The following GALNT14 variants were observed in gnomAD, a reference collection of about 807,000 sequenced individuals.
GALNT14 encodes polypeptide N-acetylgalactosaminyltransferase 14, also known as UDP-GalNAc:polypeptide N-acetylgalactosaminyltransferase 14.
GALNT14 carries 60 observed loss-of-function variants against 77.5 expected under a neutral mutation model. The observed-to-expected ratio is 0.77, with a 90% CI of 0.63 to 0.96. GALNT14 has a LOEUF of 0.96. Ranked by LOEUF, GALNT14 falls within the 40% of genes least tolerant of loss-of-function variation. The pLI, the probability that GALNT14 is intolerant of heterozygous loss-of-function variation, is 0.00. For synonymous variants in GALNT14, 280 were observed against 281.7 expected, an observed-to-expected ratio of 0.99 and a Z score of 0.06; for missense variants, 710 against 731.0, an observed-to-expected ratio of 0.97 and a Z score of 0.33.
chr2:30,894,044 C>G, the GALNT14 span, among the ~76,000 whole-genome samples: 1 of 152,058 alleles, frequency 6.6e-6, no homozygotes, highest in Non-Finnish European at 1.5e-5. Flanking sequence ...GGAAAGAGAA[C>G]AGGGGCCGAA....
At chr2:30,956,060 A>T (rs1667351978) in intron 4 of GALNT14, 83 bp from the exon 5 acceptor site, 1 of 1,396,854 alleles carries the variant, frequency 7.2e-7, no homozygotes, top group Non-Finnish European at 1.0e-6. Context: ...GGTGAACCTG[A>T]AGGGTAGGTG....
the GALNT14 span, among the ~76,000 whole-genome samples, chr2:30,891,682 C>G: frequency 3.2e-4 from 49 of 152,140 alleles, no homozygotes; most frequent in Middle Eastern, 3.4e-3. Flanking sequence ...GTGACAGAGC[C>G]CAGTCAGTGC....
intron 1 of GALNT14, among the ~76,000 whole-genome samples, chr2:31,005,597 G>C (rs1670623874): frequency 6.6e-6 from 1 of 152,140 alleles, no homozygotes; most frequent in Admixed American, 6.5e-5. Flanking sequence ...GCTAATGGAG[G>C]GAAAACGCAA....
intron 1 of GALNT14, among the ~76,000 whole-genome samples, chr2:31,128,720 G>A (rs1395936725): frequency 2.0e-5 from 3 of 152,150 alleles, no homozygotes; most frequent in Non-Finnish European, 2.9e-5. Context: ...GTGGGGAGGG[G>A]GAAGGGCGGA....
chr2:30,962,754 T>C (rs1667771553), intron 3 of GALNT14, among the ~76,000 whole-genome samples: 1 of 152,098 alleles, frequency 6.6e-6, no homozygotes. Context: ...GCAGGGGGGT[T>C]GCAAAGAGCC....
At chr2:31,070,948 G>C (rs1675325451) in intron 1 of GALNT14, among the ~76,000 whole-genome samples, 2 of 152,078 alleles carry the variant, frequency 1.3e-5, no homozygotes, top group South Asian at 2.1e-4. Context: ...GTAGAACCAG[G>C]GTCATGGGAT....
At chr2:31,027,067 C>T (rs942628354) in intron 1 of GALNT14, among the ~76,000 whole-genome samples, 8 of 152,184 alleles carry the variant, frequency 5.3e-5, no homozygotes, top group African/African-American at 1.4e-4. Flanking sequence ...AACAAACAAA[C>T]GCTGGTCCAT....
intron 1 of GALNT14, among the ~76,000 whole-genome samples, chr2:31,017,991 C>G (rs566252621): frequency 6.6e-6 from 1 of 152,342 alleles, no homozygotes; most frequent in East Asian, 1.9e-4. Flanking sequence ...AGGGCCTCGG[C>G]CTTGGGGGCT....
chr2:30,911,029 G>T lies in GALNT14; in HGVS notation c.1531C>A (p.His511Asn). The stretch of plus-strand genomic sequence containing the variant: ...TCGAGGCAGAGGTGGGATGCTATGT[G>T]CTCGATGTGGGAACCAGTTTTGGTC... Reference protein sequence around the residue: ...QWTKTGSHIEHIASHLCLDTD... With the variant: ...QWTKTGSHIENIASHLCLDTD... Residue 511 changes from histidine (H) to asparagine (N), a missense_variant, in exon 15 of 15, where the codon CAC becomes AAC. Physicochemically the swap from His to Asn is moderately conservative, Grantham distance 68 (BLOSUM62 1). Coordinates refer to ENST00000349752, the MANE Select transcript of GALNT14 (RefSeq NM_024572.4). 3 of 1,614,032 alleles carry T rather than the reference G, an allele frequency of 1.9e-6. No individual in the cohort carries two copies. Among genetic ancestry groups the T allele is most frequent in the Non-Finnish European group, 2.5e-6 (3 of 1,180,020 alleles).
Position 31,116,125 on chromosome 2 carries a change from T to G in GALNT14, c.129+21833A>C, listed in dbSNP as rs181022609. Among the ~76,000 whole-genome samples the G allele has an allele frequency of 2.5e-3, 383 of 152,274 alleles. 3 individuals are homozygous for G. Among genetic ancestry groups the G allele is most frequent in the African/African-American group, 8.5e-3 (355 of 41,554 alleles). On this transcript the variant is annotated intron_variant, in intron 1 of 14. Transcript: ENST00000349752. ...TTGATATCTTGATTGCATAGAAATA[T>G]GCCTTCGAATGTCCTGGAAAGAAAG...
the GALNT14 span, among the ~76,000 whole-genome samples, chr2:30,898,946 T>C: frequency 6.6e-6 from 1 of 152,138 alleles, no homozygotes; most frequent in Non-Finnish European, 1.5e-5. Context: ...CTGGGTAGAA[T>C]GGAGGGGCGC....
chr2:31,074,837 A>T (rs950856566), intron 1 of GALNT14, among the ~76,000 whole-genome samples: 1 of 152,168 alleles, frequency 6.6e-6, no homozygotes, highest in African/African-American at 2.4e-5. Context: ...CTTGACTCAG[A>T]CTGTAAAGGC....
chr2:30,990,202 T>G (rs1669616728), intron 2 of GALNT14, among the ~76,000 whole-genome samples: 1 of 152,178 alleles, frequency 6.6e-6, no homozygotes, highest in Admixed American at 6.5e-5. Flanking sequence ...CAGGACACCC[T>G]GCAACAAAGT....
chr2:30,902,447 C>A, the GALNT14 span, among the ~76,000 whole-genome samples: 1 of 152,172 alleles, frequency 6.6e-6, no homozygotes, highest in Admixed American at 6.5e-5. Context: ...CTACCCTCCA[C>A]ATCCTTTAAG....
At chr2:30,996,010 C>T (rs1670008226) in intron 1 of GALNT14, among the ~76,000 whole-genome samples, 1 of 152,170 alleles carries the variant, frequency 6.6e-6, no homozygotes, top group Admixed American at 6.5e-5. Context: ...GGAATTCCCT[C>T]TTAGCCTTTT....
At chr2:31,045,345 C>G (rs1673372746) in intron 1 of GALNT14, among the ~76,000 whole-genome samples, 1 of 152,164 alleles carries the variant, frequency 6.6e-6, no homozygotes, top group Non-Finnish European at 1.5e-5. Flanking sequence ...ACTGAGGTGT[C>G]CAGGTACACT....
intron 1 of GALNT14, among the ~76,000 whole-genome samples, chr2:31,090,072 C>A (rs1250316394): frequency 6.6e-6 from 1 of 152,234 alleles, no homozygotes; most frequent in African/African-American, 2.4e-5. Flanking sequence ...TCCACTCCTC[C>A]ATCCCCTCAA....
chr2:30,998,231 C>A (rs1447968492), intron 1 of GALNT14, among the ~76,000 whole-genome samples: 1 of 152,186 alleles, frequency 6.6e-6, no homozygotes, highest in Non-Finnish European at 1.5e-5. Context: ...CGTTAAGTTG[C>A]TTAATTTCTC....
chr2:31,046,954 T>C (rs897947877), intron 1 of GALNT14, among the ~76,000 whole-genome samples: 3 of 152,220 alleles, frequency 2.0e-5, no homozygotes, highest in Non-Finnish European at 2.9e-5. Context: ...AATCTCCTTT[T>C]ACAGGTGGAG....
Sources: gnomAD v4.1 joint callset for allele counts (sites outside exome capture counted in the v4.1 genomes callset) on GRCh38, gnomAD v4.1.1 for gene constraint, MANE v1.5 for transcripts, NCBI Gene and HGNC (gene_info 2026-07-23, HGNC 2026-07-21) for gene names.